Variants in PTPN5 observed in about 807,000 individuals in gnomAD.
PTPN5 encodes the protein protein tyrosine phosphatase non-receptor type 5.
PTPN5 carries 29 observed loss-of-function variants against 73.9 expected under a neutral mutation model. The observed-to-expected ratio is 0.39, with a 90% CI of 0.29 to 0.54. The LOEUF (loss-of-function observed/expected upper bound fraction) is 0.54, where lower values mean the gene tolerates loss of function less well. Among genes scored for constraint, PTPN5 ranks in the 20% least tolerant of loss-of-function variants. The probability of loss-of-function intolerance (pLI) is 0.65; values close to 1 mark genes in which losing one functional copy is unlikely to be tolerated. For synonymous variants in PTPN5, 267 were observed against 304.7 expected, an observed-to-expected ratio of 0.88 and a Z score of 1.29; for missense variants, 652 against 751.4, an observed-to-expected ratio of 0.87 and a Z score of 1.55.
intron 3 of PTPN5, 74 bp from the exon 4 acceptor site, chr11:18,744,273 G>A: frequency 5.3e-6 from 7 of 1,314,968 alleles, no homozygotes; most frequent in Non-Finnish European, 7.0e-6. Context: ...CCCTTTTGGG[G>A]TGGCTGTGGC....
At chr11:18,749,902 T>C (rs546078927) in intron 3 of PTPN5, among the ~76,000 whole-genome samples, 63 of 152,350 alleles carry the variant, frequency 4.1e-4, no homozygotes, top group Admixed American at 2.2e-3. Flanking sequence ...CCTGTTTACA[T>C]GAGAAAGCAA....
At chr11:18,735,767 CCAA>C (rs1564889526) in intron 9 of PTPN5, among the ~76,000 whole-genome samples, 5 of 90,410 alleles carry the variant, frequency 5.5e-5, no homozygotes, top group Admixed American at 1.2e-4. Flanking sequence ...TCTGTCTCCC[CCAA>C]AAAAAAAAAA....
At position 18,787,195 on chromosome 11, in the gene PTPN5, T is replaced by A. The variant is rs550428941; in HGVS notation, c.-114+4330A>T. The stretch of plus-strand genomic sequence containing the variant: ...GAGTGACAACACAGCATTCAAGTTA[T>A]CTGAGCTTTATTATTTTGATCATAG... On this transcript the variant is annotated intron_variant, in intron 1 of 14. Transcript: ENST00000358540. 1.4e-3 allele frequency among the ~76,000 whole-genome samples: 207 copies of A among 152,378 alleles called. 1 individual carries two copies. Among genetic ancestry groups the A allele is most frequent in the Non-Finnish European group, 2.3e-3 (159 of 68,036 alleles).
At chr11:18,786,445 G>A (rs1188069710) in intron 1 of PTPN5, among the ~76,000 whole-genome samples, 3 of 152,070 alleles carry the variant, frequency 2.0e-5, no homozygotes, top group Admixed American at 1.3e-4. Context: ...CTCATGATCC[G>A]CCCACCTCGG....
chr11:18,731,141 C>T (rs1477991972), intron 12 of PTPN5, among the ~76,000 whole-genome samples: 4 of 148,098 alleles, frequency 2.7e-5, no homozygotes, highest in Non-Finnish European at 4.5e-5. Context: ...TATATACACA[C>T]ACACCTATAT....
chr11:18,779,404 G>A (rs929669094), intron 1 of PTPN5, among the ~76,000 whole-genome samples: 4 of 152,044 alleles, frequency 2.6e-5, no homozygotes, highest in Non-Finnish European at 4.4e-5. Context: ...TCCCAGGTGG[G>A]ACCAAGAGTC....
chr11:18,747,510 A>G lies in PTPN5; in HGVS notation c.98-3311T>C, dbSNP rs567391847. On this transcript the variant is annotated intron_variant, in intron 3 of 14. Transcript: ENST00000358540. ...CTACGATATATTTGTACTCGTTTTG[A>G]TATGAAAATAATGTGTTTTATTTCC... Among the ~76,000 whole-genome samples, 76 of 152,298 alleles carry G rather than the reference A, an allele frequency of 5.0e-4. No homozygotes were observed. In the South Asian group the frequency reaches 0.013, roughly 27 times the overall value.
In PTPN5 at chr11:18,740,534, A is replaced by C. The variant is rs564847733; in HGVS notation, c.915+69T>G. ...TGCTGAGTTCCAGGCACCACGCTCCACCACCTGGGCAGGTGGATGATTGAC... is the reference window on the plus strand; with the variant it reads ...TGCTGAGTTCCAGGCACCACGCTCCCCCACCTGGGCAGGTGGATGATTGAC... On this transcript the variant is annotated intron_variant, in intron 8 of 14. Coordinates refer to ENST00000358540, the MANE Select transcript of PTPN5 (RefSeq NM_006906.2). The C allele has an allele frequency of 7.6e-6, 10 of 1,322,416 alleles. No individual in the cohort carries two copies. The African/African-American group carries it at 1.4e-4, about 18-fold the overall frequency. The allele number at this position is 1,322,416 out of a possible 1,614,324, so 81.9% of individuals were successfully genotyped here.
intron 3 of PTPN5, among the ~76,000 whole-genome samples, chr11:18,763,691 C>T (rs981390663): frequency 3.3e-5 from 5 of 152,272 alleles, no homozygotes; most frequent in Non-Finnish European, 5.9e-5. Flanking sequence ...TTTTATTTAC[C>T]TCTATATATC....
At chr11:18,778,930 T>C (rs1483229958) in intron 1 of PTPN5, among the ~76,000 whole-genome samples, 1 of 152,178 alleles carries the variant, frequency 6.6e-6, no homozygotes, top group Non-Finnish European at 1.5e-5. Context: ...TCCCTAGACT[T>C]CCCTCATGCT....
chr11:18,745,299 T>C (rs72880786), intron 3 of PTPN5, among the ~76,000 whole-genome samples: 2 of 152,194 alleles, frequency 1.3e-5, no homozygotes, highest in African/African-American at 4.8e-5. Flanking sequence ...GGGCCCAGCA[T>C]AGCCGTTTGT....
Position 18,740,735 on chromosome 11 carries a change from C to T in PTPN5, c.783G>A (p.Glu261=), listed in dbSNP as rs1269903251. The T allele has an allele frequency of 1.9e-6, 3 of 1,600,604 alleles. No individual in the cohort carries two copies. Among genetic ancestry groups the T allele is most frequent in the South Asian group, 1.1e-5 (1 of 89,194 alleles). Residue 261 remains glutamate (E), a synonymous_variant, in exon 8 of 15, where the codon GAG becomes GAA. Transcript: ENST00000358540. ...GTGGGGACATGAGATAGCCAAAGCC[C>T]TCCTCGTTGCAGCCCGGAGTGCACA... ...LDMCTPGCNE[E]GFGYLMSPRE...
intron 8 of PTPN5, among the ~76,000 whole-genome samples, chr11:18,740,046 T>G (rs1464084089): frequency 2.6e-5 from 4 of 152,204 alleles, no homozygotes; most frequent in African/African-American, 9.6e-5. Context: ...ATGCCTTAGC[T>G]CTTAACTGGC....
At chr11:18,764,062 C>T (rs1337478704) in intron 3 of PTPN5, among the ~76,000 whole-genome samples, 1 of 152,192 alleles carries the variant, frequency 6.6e-6, no homozygotes, top group East Asian at 1.9e-4. Flanking sequence ...ATCTGAATCA[C>T]AGAACTGTTT....
At chr11:18,744,404 C>T (rs142805015) in intron 3 of PTPN5, 93 of 415,334 alleles carry the variant, frequency 2.2e-4, no homozygotes, top group African/African-American at 1.7e-3. Context: ...AATTATTTCT[C>T]TTTTATTTCT....
chr11:18,748,582 T>A (rs1462916376), intron 3 of PTPN5, among the ~76,000 whole-genome samples: 1 of 152,146 alleles, frequency 6.6e-6, no homozygotes, highest in Non-Finnish European at 1.5e-5. Flanking sequence ...ACACTCTATA[T>A]TCTGCACATA....
At chr11:18,745,085 T>C (rs1590522416) in intron 3 of PTPN5, among the ~76,000 whole-genome samples, 1 of 152,226 alleles carries the variant, frequency 6.6e-6, no homozygotes, top group Admixed American at 6.5e-5. Context: ...TCTGAGCCCC[T>C]GGCTATAGCA....
At chr11:18,767,504 G>C (rs1850693111) in intron 2 of PTPN5, among the ~76,000 whole-genome samples, 1 of 152,170 alleles carries the variant, frequency 6.6e-6, no homozygotes, top group South Asian at 2.1e-4. Flanking sequence ...CTCTTGCCTA[G>C]ATTGCTGTGG....
At chr11:18,764,143 A>G (rs1288397798) in intron 3 of PTPN5, among the ~76,000 whole-genome samples, 2 of 152,096 alleles carry the variant, frequency 1.3e-5, no homozygotes, top group South Asian at 2.1e-4. Flanking sequence ...TCCATTGTCT[A>G]TCTATCTAGT....
Sources: allele counts gnomAD v4.1 joint callset (sites outside exome capture counted in the v4.1 genomes callset), GRCh38; gene constraint gnomAD v4.1.1; transcripts MANE v1.5; gene names NCBI Gene and HGNC (gene_info 2026-07-23, HGNC 2026-07-21).